Variants in NKAIN3 observed in about 807,000 individuals in gnomAD.
The protein encoded by NKAIN3 is sodium/potassium-transporting ATPase subunit beta-1-interacting protein 3.
Under a neutral mutation model 30.2 loss-of-function variants are expected in NKAIN3, and 25 were observed. The observed-to-expected ratio is 0.83, with a 90% confidence interval of 0.60 to 1.16. The LOEUF (loss-of-function observed/expected upper bound fraction) is 1.16. Ranked by LOEUF, NKAIN3 falls within the 50% of genes most tolerant of loss-of-function variation. NKAIN3 has a pLI of 0.00. For missense variants in NKAIN3, 225 were observed against 254.1 expected (o/e 0.89, Z 0.78); for synonymous variants, 91 against 89.6 (o/e 1.02, Z -0.09).
At chr8:62,326,725 C>T (rs906958316) in intron 1 of NKAIN3, among the ~76,000 whole-genome samples, 2 of 151,934 alleles carry the variant, frequency 1.3e-5, no homozygotes, top group Non-Finnish European at 2.9e-5. Context: ...TCAGTTTCCA[C>T]CTTTTGGCTA....
At chr8:62,522,764 T>A (rs889183311) in intron 1 of NKAIN3, among the ~76,000 whole-genome samples, 1 of 151,836 alleles carries the variant, frequency 6.6e-6, no homozygotes. Context: ...TTCATATTAA[T>A]AATTATAAAA....
chr8:62,498,859 A>G (rs1807326656), intron 1 of NKAIN3, among the ~76,000 whole-genome samples: 2 of 152,058 alleles, frequency 1.3e-5, no homozygotes, highest in South Asian at 4.1e-4. Flanking sequence ...AATCACAAGC[A>G]TGATAATTAC....
Position 62,747,910 on chromosome 8 carries a change from G to C in NKAIN3, c.471+781G>C, listed in dbSNP as rs906518936. Among the ~76,000 whole-genome samples, 4 of 152,248 alleles carry C rather than the reference G, an allele frequency of 2.6e-5. No individual in the cohort carries two copies. In the South Asian group the frequency reaches 6.2e-4, roughly 24 times the overall value. On this transcript the variant is annotated intron_variant, in intron 4 of 6. Transcript: ENST00000623646. ...TGTTCAACTGAGCTTAGCTTAGTAG[G>C]AATAAGAGACACAGACTCAATAGTA...
At chr8:62,582,834 A>G (rs201216356) in intron 2 of NKAIN3, among the ~76,000 whole-genome samples, 1 of 36,308 alleles carries the variant, frequency 2.8e-5, no homozygotes. Context: ...GAGGAATGAG[A>G]TCATCAGTGG....
chr8:62,690,242 G>T (rs951523917), intron 3 of NKAIN3, among the ~76,000 whole-genome samples: 1 of 152,182 alleles, frequency 6.6e-6, no homozygotes, highest in African/African-American at 2.4e-5. Flanking sequence ...ACCATCATGA[G>T]GTTTCTCCCA....
rs10090823 is a variant in NKAIN3, at chr8:62,831,867, C to T, written c.471+84738C>T. Among the ~76,000 whole-genome samples the T allele has an allele frequency of 2.6e-3, 392 of 152,172 alleles. 2 individuals are homozygous for T. The highest frequency in any genetic ancestry group is 3.2e-3 in the Non-Finnish European group (220 of 67,996). ...ATCCAGATATAAGAAATCCAGAGAA[C>T]ATCTGTGAGATGTTATACAAAGCAA... is the stretch of plus-strand genomic sequence containing the variant. On this transcript the variant is annotated intron_variant, in intron 4 of 6. Coordinates refer to ENST00000623646, the MANE Select transcript of NKAIN3 (RefSeq NM_001304533.3).
chr8:62,662,479 T>G (rs1056643318), intron 3 of NKAIN3, among the ~76,000 whole-genome samples: 5 of 152,210 alleles, frequency 3.3e-5, no homozygotes, highest in African/African-American at 4.8e-5. Flanking sequence ...CTCTTCCCCT[T>G]TGTTTAGCAA....
chr8:62,378,548 T>C (rs1268169433), intron 1 of NKAIN3, among the ~76,000 whole-genome samples: 1 of 152,226 alleles, frequency 6.6e-6, no homozygotes, highest in African/African-American at 2.4e-5. Context: ...GCACCCCTGC[T>C]GTGTGCAGTC....
At chr8:62,580,952 CA>C (rs1810270657) in intron 2 of NKAIN3, among the ~76,000 whole-genome samples, 1 of 146,372 alleles carries the variant, frequency 6.8e-6, no homozygotes, top group Non-Finnish European at 1.5e-5. Context: ...CAAAAAAATA[CA>C]AAAAGTAGCC....
intron 4 of NKAIN3, among the ~76,000 whole-genome samples, chr8:62,772,303 C>T (rs555985072): frequency 6.6e-6 from 1 of 152,282 alleles, no homozygotes; most frequent in Non-Finnish European, 1.5e-5. Flanking sequence ...TTTATCCATT[C>T]ATCTGTTGAT....
In NKAIN3 at chr8:62,386,263, G is replaced by T. The variant is rs115805554; in HGVS notation, c.54+137136G>T. 1.5e-3 allele frequency among the ~76,000 whole-genome samples: 222 copies of T among 152,268 alleles called. 1 individual carries two copies. The highest frequency in any genetic ancestry group is 4.9e-3 in the African/African-American group (204 of 41,544). ...TTATTACTCTCTTCAAATCTCAGTT[G>T]GCTGTTCTGTGAAGTAGTTATAATA... On this transcript the variant is annotated intron_variant, in intron 1 of 6. Coordinates refer to ENST00000623646, the MANE Select transcript of NKAIN3 (RefSeq NM_001304533.3).
chr8:62,813,836 A>G (rs1354811551), intron 4 of NKAIN3, among the ~76,000 whole-genome samples: 1 of 152,010 alleles, frequency 6.6e-6, no homozygotes, highest in Non-Finnish European at 1.5e-5. Context: ...TTGCAGGGCC[A>G]GTCTAGTGGT....
chr8:62,593,985 T>A (rs1176399937), intron 3 of NKAIN3, among the ~76,000 whole-genome samples: 1 of 152,052 alleles, frequency 6.6e-6, no homozygotes, highest in Non-Finnish European at 1.5e-5. Flanking sequence ...CCTGGAGCTT[T>A]AACTCCCTTG....
chr8:62,694,399 G>A (rs1488949161), intron 3 of NKAIN3, among the ~76,000 whole-genome samples: 1 of 152,166 alleles, frequency 6.6e-6, no homozygotes, highest in Non-Finnish European at 1.5e-5. Context: ...CTTATGATTT[G>A]TAGCAACATA....
intron 1 of NKAIN3, among the ~76,000 whole-genome samples, chr8:62,273,194 C>A (rs190319908): frequency 2.0e-5 from 3 of 152,140 alleles, no homozygotes; most frequent in Non-Finnish European, 4.4e-5. Flanking sequence ...AAATTTAGTG[C>A]TTTTTAATTA....
chr8:62,635,533 C>T (rs1812099861), intron 3 of NKAIN3, among the ~76,000 whole-genome samples: 1 of 151,942 alleles, frequency 6.6e-6, no homozygotes. Context: ...TTTTTCCACC[C>T]CAAAATTAGT....
intron 1 of NKAIN3, among the ~76,000 whole-genome samples, chr8:62,253,164 C>G (rs1422122445): frequency 2.6e-5 from 4 of 152,124 alleles, no homozygotes; most frequent in Non-Finnish European, 5.9e-5. Flanking sequence ...ACTATTAGAC[C>G]TAGGAATAAG....
At chr8:62,291,089 C>A (rs1813606674) in intron 1 of NKAIN3, among the ~76,000 whole-genome samples, 1 of 152,076 alleles carries the variant, frequency 6.6e-6, no homozygotes, top group South Asian at 2.1e-4. Flanking sequence ...GTGATATCCC[C>A]CTTATCATTT....
chr8:62,443,467 T>A (rs1362356092), intron 1 of NKAIN3, among the ~76,000 whole-genome samples: 1 of 152,112 alleles, frequency 6.6e-6, no homozygotes, highest in African/African-American at 2.4e-5. Context: ...CACTGCAACG[T>A]CCACCTTCCG....
Sources: gnomAD v4.1 joint callset for allele counts (sites outside exome capture counted in the v4.1 genomes callset) on GRCh38, gnomAD v4.1.1 for gene constraint, MANE v1.5 for transcripts, NCBI Gene and HGNC (gene_info 2026-07-23, HGNC 2026-07-21) for gene names.